CNTNAP5: variants seen among roughly 807,000 people sequenced by gnomAD.
The protein encoded by CNTNAP5 is contactin associated protein family member 5, also known as contactin-associated protein-like 5.
A neutral mutation model predicts 150.2 loss-of-function variants in CNTNAP5; 72 were observed. That is an observed-to-expected ratio of 0.48 (90% CI 0.40 to 0.58). The LOEUF (loss-of-function observed/expected upper bound fraction) is 0.58, where lower values mean the gene tolerates loss of function less well. Among genes scored for constraint, CNTNAP5 ranks in the 20% least tolerant of loss-of-function variants. The pLI, the probability that CNTNAP5 is intolerant of heterozygous loss-of-function variation, is 0.00. For missense variants in CNTNAP5, 1,636 were observed against 1,626.2 expected, an observed-to-expected ratio of 1.01 and a Z score of -0.10; for synonymous variants, 672 against 619.8, an observed-to-expected ratio of 1.08 and a Z score of -1.25.
At chr2:124,233,318 A>G (rs1686669444) in intron 2 of CNTNAP5, among the ~76,000 whole-genome samples, 1 of 152,106 alleles carries the variant, frequency 6.6e-6, no homozygotes, top group African/African-American at 2.4e-5. Context: ...TCTCCTAGGA[A>G]CTTGATAAAA....
chr2:124,238,225 T>C (rs752900870), intron 2 of CNTNAP5, among the ~76,000 whole-genome samples: 15 of 151,996 alleles, frequency 9.9e-5, no homozygotes, highest in Non-Finnish European at 1.6e-4. Flanking sequence ...TGGATGCAGG[T>C]TTCCTGGGTC....
chr2:124,873,922 C>A lies in CNTNAP5; in HGVS notation c.3436+4160C>A, dbSNP rs552052197. Reference sequence around the variant, plus strand: ...AAGCAAAAGCAAGTTTGTTCATTTTCTTTTTGTCTGAGAAAGGAAAAATTC... The same window carrying A: ...AAGCAAAAGCAAGTTTGTTCATTTTATTTTTGTCTGAGAAAGGAAAAATTC... On this transcript the variant is annotated intron_variant, in intron 21 of 23. Coordinates refer to ENST00000682447, the MANE Select transcript of CNTNAP5 (RefSeq NM_001367498.1). Among the ~76,000 whole-genome samples the A allele has an allele frequency of 4.3e-4, 66 of 152,036 alleles. No individual in the cohort carries two copies. In the South Asian group the frequency reaches 0.013, roughly 30 times the overall value.
chr2:124,870,842 C>G, intron 21 of CNTNAP5, among the ~76,000 whole-genome samples: 1 of 152,100 alleles, frequency 6.6e-6, no homozygotes, highest in East Asian at 1.9e-4. Context: ...AAAAGCATCA[C>G]GGGCCCCTGC....
At chr2:124,851,293 C>A (rs573711002) in intron 19 of CNTNAP5, among the ~76,000 whole-genome samples, 5 of 152,134 alleles carry the variant, frequency 3.3e-5, no homozygotes, top group African/African-American at 1.2e-4. Context: ...GAGGCAGAGG[C>A]TACAGTAAGC....
intron 3 of CNTNAP5, among the ~76,000 whole-genome samples, chr2:124,291,414 TTAA>T (rs1688289853): frequency 6.6e-6 from 1 of 151,500 alleles, no homozygotes; most frequent in African/African-American, 2.4e-5. Context: ...CTGGCAACTA[TTAA>T]TTAATATTTT....
chr2:124,166,247 G>T (rs1265024563), intron 1 of CNTNAP5, among the ~76,000 whole-genome samples: 1 of 152,152 alleles, frequency 6.6e-6, no homozygotes, highest in Admixed American at 6.6e-5. Flanking sequence ...GAATGACACG[G>T]ACTGTTGTTT....
chr2:124,658,556 T>G (rs796985437), intron 13 of CNTNAP5, among the ~76,000 whole-genome samples: 1 of 152,046 alleles, frequency 6.6e-6, no homozygotes. Flanking sequence ...AATATAGTTA[T>G]GTAATAGGTG....
intron 1 of CNTNAP5, among the ~76,000 whole-genome samples, chr2:124,042,089 G>T (rs1032085517): frequency 1.3e-5 from 2 of 152,086 alleles, no homozygotes; most frequent in Admixed American, 6.5e-5. Context: ...TTACACTCCT[G>T]ACATTAGGTG....
At chr2:124,757,528 T>C (rs1387350708) in intron 14 of CNTNAP5, among the ~76,000 whole-genome samples, 1 of 152,222 alleles carries the variant, frequency 6.6e-6, no homozygotes, top group Non-Finnish European at 1.5e-5. Context: ...TTGGTGGTTA[T>C]AGGCAAATGC....
intron 10 of CNTNAP5, among the ~76,000 whole-genome samples, chr2:124,546,037 T>G (rs1000979452): frequency 6.6e-6 from 1 of 152,192 alleles, no homozygotes; most frequent in African/African-American, 2.4e-5. Flanking sequence ...TGCAGTTGTT[T>G]GGACCCTACA....
intron 3 of CNTNAP5, among the ~76,000 whole-genome samples, chr2:124,397,659 T>C (rs1398861434): frequency 6.6e-6 from 1 of 152,228 alleles, no homozygotes; most frequent in African/African-American, 2.4e-5. Flanking sequence ...TTAATATATA[T>C]GATTCTTTTC....
intron 1 of CNTNAP5, among the ~76,000 whole-genome samples, chr2:124,059,142 G>T (rs1043014261): frequency 2.0e-5 from 3 of 152,016 alleles, no homozygotes; most frequent in Non-Finnish European, 4.4e-5. Flanking sequence ...GTTTTCAACA[G>T]CACTAACGCA....
In CNTNAP5 at chr2:124,314,881, G is replaced by A. The variant is rs189525342; in HGVS notation, c.381+72488G>A. Among the ~76,000 whole-genome samples the A allele has an allele frequency of 8.2e-3, 1,240 of 151,862 alleles. 18 individuals carry two copies. The highest frequency in any genetic ancestry group is 0.028 in the African/African-American group (1,155 of 41,404). On this transcript the variant is annotated intron_variant, in intron 3 of 23. Coordinates refer to ENST00000682447, the MANE Select transcript of CNTNAP5 (RefSeq NM_001367498.1). ...TCATTAATTACATGGTCTTAGTGTC[G>A]GTTGCAATTTTTGTTTCAAAATTTC...
At position 124,325,676 on chromosome 2, in the gene CNTNAP5, C is replaced by T. The variant is rs561264704; in HGVS notation, c.381+83283C>T. 7.9e-5 allele frequency among the ~76,000 whole-genome samples: 12 copies of T among 152,294 alleles called. 2 individuals carry two copies. In the Middle Eastern group the frequency reaches 0.01, roughly 130 times the overall value. On this transcript the variant is annotated intron_variant, in intron 3 of 23. Coordinates refer to ENST00000682447, the MANE Select transcript of CNTNAP5 (RefSeq NM_001367498.1). ...CAAGTCACTTTGGCTCCCTGAGCCTCTATTTCTCTACCTCTCAAATATGAA... is the reference window on the plus strand; with the variant it reads ...CAAGTCACTTTGGCTCCCTGAGCCTTTATTTCTCTACCTCTCAAATATGAA...
chr2:124,598,467 G>T (rs1310402927), intron 11 of CNTNAP5, among the ~76,000 whole-genome samples: 60 of 145,940 alleles, frequency 4.1e-4, no homozygotes, highest in African/African-American at 5.8e-4. Context: ...GGGGTCAGGG[G>T]TCAGGGACCC....
chr2:124,865,475 T>C, intron 20 of CNTNAP5, 39 bp downstream of exon 20: 1 of 1,545,774 alleles, frequency 6.5e-7, no homozygotes, highest in Non-Finnish European at 8.8e-7. Flanking sequence ...CCAATGTGCC[T>C]TGGCTACTCT....
chr2:124,131,768 C>A (rs1326232331), intron 1 of CNTNAP5, among the ~76,000 whole-genome samples: 1 of 152,136 alleles, frequency 6.6e-6, no homozygotes, highest in Non-Finnish European at 1.5e-5. Context: ...ATGTTATAAG[C>A]ATTCTTCTAT....
chr2:124,902,071 A>G (rs1349535744), intron 21 of CNTNAP5, among the ~76,000 whole-genome samples: 1 of 152,148 alleles, frequency 6.6e-6, no homozygotes, highest in Non-Finnish European at 1.5e-5. Context: ...AGGAAAAAAG[A>G]TGGCTCATTA....
At chr2:124,528,777 T>G (rs1695036130) in intron 10 of CNTNAP5, among the ~76,000 whole-genome samples, 1 of 151,984 alleles carries the variant, frequency 6.6e-6, no homozygotes, top group African/African-American at 2.4e-5. Flanking sequence ...GGTGGCTAGC[T>G]TTTCCTGTTA....
Sources: gnomAD v4.1 joint callset for allele counts (sites outside exome capture counted in the v4.1 genomes callset) on GRCh38, gnomAD v4.1.1 for gene constraint, MANE v1.5 for transcripts, NCBI Gene and HGNC (gene_info 2026-07-23, HGNC 2026-07-21) for gene names.